The following PA2G4 variants were observed in gnomAD, a reference collection of about 807,000 sequenced individuals.
PA2G4 encodes proliferation-associated protein 2G4.
In PA2G4, 8 loss-of-function variants were observed where a neutral mutation model predicts 53.3. That is an observed-to-expected ratio of 0.15 (90% CI 0.09 to 0.27). The LOEUF is 0.27. Among genes scored for constraint, PA2G4 ranks in the 10% least tolerant of loss-of-function variants. The probability of loss-of-function intolerance (pLI) is 1.00; values close to 1 mark genes in which losing one functional copy is unlikely to be tolerated. For synonymous variants in PA2G4, 143 were observed against 169.8 expected (o/e 0.84, Z 1.23); for missense variants, 208 against 486.8 (o/e 0.43, Z 5.39).
At position 56,110,635 on chromosome 12, in the gene PA2G4, C is replaced by G; in HGVS notation, c.785C>G (p.Ser262Ter). 1 of 1,614,140 alleles carries G rather than the reference C, an allele frequency of 6.2e-7. No homozygotes were observed. Among genetic ancestry groups the G allele is most frequent in the South Asian group, 1.1e-5 (1 of 91,088 alleles). Residue 262 changes from serine (S) to a stop codon, truncating the protein, a stop_gained, in exon 9 of 13, where the codon TCA becomes TGA. Coordinates refer to ENST00000303305, the MANE Select transcript of PA2G4 (RefSeq NM_006191.3). LOFTEE classifies it high-confidence loss of function. ...SKQYGLKMKT[S>*]RAFFSEVERR... is the part of the protein sequence containing the mutation. ...CAGTATGGACTGAAAATGAAAACTT[C>G]ACGTGCCTTCTTCAGTGAGGTGGAA...
chr12:56,111,892 C>T (rs1465428607), intron 12 of PA2G4, among the ~76,000 whole-genome samples: 1 of 151,210 alleles, frequency 6.6e-6, no homozygotes, highest in Non-Finnish European at 1.5e-5. Context: ...GCGGATGGAT[C>T]ACCTGAGGTC....
chr12:56,104,833 C>T lies in PA2G4; in HGVS notation c.88+8C>T, dbSNP rs768594800. The T allele has an allele frequency of 6.2e-7, 1 of 1,609,364 alleles. No homozygotes were observed. Among genetic ancestry groups the T allele is most frequent in the South Asian group, 1.1e-5 (1 of 90,812 alleles). ...GGGGCGACATCGCCAACAGTGAGTG[C>T]GGCCTCGGGGGTCGGGGAATCAAGG... On this transcript the variant is annotated splice_region_variant and intron_variant, in intron 1 of 12. Coordinates refer to ENST00000303305, the MANE Select transcript of PA2G4 (RefSeq NM_006191.3).
intron 7 of PA2G4, 137 bp downstream of exon 7, chr12:56,110,072 C>T (rs960221473): frequency 1.4e-6 from 1 of 713,974 alleles, no homozygotes; most frequent in Non-Finnish European, 2.5e-6. Context: ...TATTCCCTTT[C>T]TCTAGGCCGG....
intron 5 of PA2G4, among the ~76,000 whole-genome samples, chr12:56,108,518 TTAG>T (rs1869347631): frequency 6.6e-6 from 1 of 152,188 alleles, no homozygotes; most frequent in African/African-American, 2.4e-5. Context: ...CATATAGTAT[TTAG>T]TAAATTACAT....
chr12:56,111,803 C>T (rs1343422051), intron 12 of PA2G4, among the ~76,000 whole-genome samples: 1 of 150,804 alleles, frequency 6.6e-6, no homozygotes, highest in Non-Finnish European at 1.5e-5. Flanking sequence ...GGATTACAGG[C>T]ATGAGCTGCC....
chr12:56,108,818 T>C (rs1174023695), intron 5 of PA2G4, among the ~76,000 whole-genome samples: 30 of 152,148 alleles, frequency 2.0e-4, no homozygotes, highest in Admixed American at 2.0e-3. Context: ...CATTGGGGCT[T>C]GATGGAGGAT....
chr12:56,112,674 T>C, intron 12 of PA2G4, 149 bp from the exon 13 acceptor site: 1 of 597,526 alleles, frequency 1.7e-6, no homozygotes, highest in Non-Finnish European at 2.9e-6. Context: ...GAGGATCACC[T>C]GAGCCCAGGG....
In PA2G4 at chr12:56,111,262, C is replaced by T. The variant is rs138090957; in HGVS notation, c.1018C>T (p.Pro340Ser). 2.0e-5 allele frequency: 32 copies of T among 1,614,152 alleles called. No individual in the cohort carries two copies. In the African/African-American group the frequency reaches 3.6e-4, roughly 18 times the overall value. ...PMRITSGPFE[P>S]DLYKSEMEVQ... Reference sequence around the variant, plus strand: ...GCGGATAACCAGTGGTCCCTTCGAGCCTGACCTCTACAAGTCTGAGATGGA... The same window carrying T: ...GCGGATAACCAGTGGTCCCTTCGAGTCTGACCTCTACAAGTCTGAGATGGA... The change falls in exon 11 of 13, where the codon CCT (proline) becomes TCT (serine). Residue 340 changes from proline (P) to serine (S), a missense_variant. Physicochemically the swap from Pro to Ser is moderately conservative, Grantham distance 74. Around this residue, in one of 3 missense-constraint regions of PA2G4, gnomAD observed 50 missense variants for 82.3 expected, o/e 0.61. Transcript: ENST00000303305.
In PA2G4 at chr12:56,109,308, C is replaced by T. The variant is rs371544314; in HGVS notation, c.550+15C>T. On this transcript the variant is annotated intron_variant, in intron 6 of 12. Coordinates refer to ENST00000303305, the MANE Select transcript of PA2G4 (RefSeq NM_006191.3). ...GCCAATAGAAGGTGAGAACAGATAA[C>T]AGGGTTGAGGGTCTAAGAATGAGTG... 3 of 1,601,342 alleles carry T rather than the reference C, an allele frequency of 1.9e-6. No individual in the cohort carries two copies. Among genetic ancestry groups the T allele is most frequent in the East Asian group, 2.2e-5 (1 of 44,608 alleles).
At chr12:56,112,530 G>T (rs1300107421) in intron 12 of PA2G4, among the ~76,000 whole-genome samples, 1 of 152,148 alleles carries the variant, frequency 6.6e-6, no homozygotes, top group Non-Finnish European at 1.5e-5. Context: ...GGCCTAGGCA[G>T]GAGCATCACT....
chr12:56,104,838 T>C lies in PA2G4; in HGVS notation c.88+13T>C, dbSNP rs1869257033. 6.2e-7 allele frequency: 1 copy of C among 1,605,886 alleles called. No homozygotes were observed. Among genetic ancestry groups the C allele is most frequent in the African/African-American group, 1.3e-5 (1 of 74,766 alleles). ...GACATCGCCAACAGTGAGTGCGGCC[T>C]CGGGGGTCGGGGAATCAAGGCTGAT... On this transcript the variant is annotated intron_variant, in intron 1 of 12. Coordinates refer to ENST00000303305, the MANE Select transcript of PA2G4 (RefSeq NM_006191.3).
chr12:56,112,787 T>C, intron 12 of PA2G4, 36 bp from the exon 13 acceptor site: 1 of 1,405,000 alleles, frequency 7.1e-7, no homozygotes, highest in Non-Finnish European at 9.9e-7. Flanking sequence ...AGTTAGAAAC[T>C]GACAGGTCTT....
Position 56,113,763 on chromosome 12 carries a change from A to T in PA2G4, c.*875A>T, listed in dbSNP as rs1565865691. ...TTCTGAAGCTATGGACTTGGATTGG[A>T]TTGCTGGGGGTTTGTAGAGAAAGGT... On this transcript the variant is annotated 3_prime_UTR_variant, in exon 13 of 13. Transcript: ENST00000303305. The T allele has an allele frequency of 4.3e-6, 3 of 690,956 alleles. No individual in the cohort carries two copies. The highest frequency in any genetic ancestry group is 1.5e-5 in the South Asian group (1 of 66,002). 42.8% of individuals were successfully genotyped at this position (690,956 alleles called of 1,614,324 possible). A position where few individuals can be genotyped will look rare whatever the true frequency, so the allele number is the denominator to read the frequency against.
At chr12:56,110,866 A>G (rs1007900444) in intron 9 of PA2G4, 98 bp from the exon 10 acceptor site, 1 of 1,369,344 alleles carries the variant, frequency 7.3e-7, no homozygotes. Context: ...CCTAAGCATG[A>G]TTTCTGCCTG....
At chr12:56,105,524 C>T (rs1203603297) in intron 1 of PA2G4, among the ~76,000 whole-genome samples, 2 of 152,230 alleles carry the variant, frequency 1.3e-5, no homozygotes, top group African/African-American at 4.8e-5. Context: ...ACCACCTTTC[C>T]AATCTGTGCA....
Position 56,113,907 on chromosome 12 carries a change from A to T in PA2G4, c.*1019A>T, listed in dbSNP as rs1218930811. The T allele has an allele frequency of 4.3e-6, 3 of 702,132 alleles. No homozygotes were observed. Among genetic ancestry groups the T allele is most frequent in the Non-Finnish European group, 7.8e-6 (3 of 384,804 alleles). 43.5% of individuals were successfully genotyped at this position (702,132 alleles called of 1,614,324 possible). A position where few individuals can be genotyped will look rare whatever the true frequency, so the allele number is the denominator to read the frequency against. ...TAAAATAAATTTGGATTTGCTCATA[A>T]TGATGTGCTTTGTATGCTGCTCTTG... On this transcript the variant is annotated 3_prime_UTR_variant, in exon 13 of 13. Transcript: ENST00000303305.
chr12:56,112,603 C>CA (rs1045617560), intron 12 of PA2G4, among the ~76,000 whole-genome samples: 6 of 151,932 alleles, frequency 3.9e-5, no homozygotes, highest in Non-Finnish European at 5.9e-5. Context: ...ACAAAAAATA[C>CA]AAAAAAGTTG....
chr12:56,110,752 A>T, intron 9 of PA2G4, 60 bp downstream of exon 9: 1 of 1,598,538 alleles, frequency 6.3e-7, no homozygotes, highest in East Asian at 2.2e-5. Flanking sequence ...ACCCAGGAAC[A>T]CTTTTTCCTC....
intron 7 of PA2G4, 51 bp downstream of exon 7, chr12:56,109,986 G>C: frequency 7.6e-7 from 1 of 1,311,826 alleles, no homozygotes; most frequent in African/African-American, 1.4e-5. Context: ...CTAGTCATCA[G>C]GTTTTTTTCT....
Sources: allele counts gnomAD v4.1 joint callset (sites outside exome capture counted in the v4.1 genomes callset), GRCh38; gene constraint gnomAD v4.1.1; regional missense constraint gnomAD v4.1.1; transcripts MANE v1.5; gene names NCBI Gene and HGNC (gene_info 2026-07-23, HGNC 2026-07-21).